The following SLIT3 variants were observed in gnomAD, a reference collection of about 807,000 sequenced individuals.
SLIT3 encodes slit homolog 3 protein.
In SLIT3, 68 loss-of-function variants were observed where a neutral mutation model predicts 184.0. The observed-to-expected ratio is 0.37, with a 90% CI of 0.30 to 0.45. The LOEUF is 0.45. Ranked by LOEUF, SLIT3 falls within the 20% of genes least tolerant of loss-of-function variation. The pLI is 1.00. For synonymous variants in SLIT3, 831 were observed against 828.6 expected (o/e 1.00, Z -0.05); for missense variants, 1,707 against 2,026.0 (o/e 0.84, Z 3.02).
chr5:169,000,256 G>A (rs11956974), intron 4 of SLIT3, among the ~76,000 whole-genome samples: 2,223 of 151,946 alleles, frequency 0.015, 77 homozygotes, highest in African/African-American at 0.051. Context: ...GCTGGGCATG[G>A]TGGTGTGTGC....
intron 3 of SLIT3, among the ~76,000 whole-genome samples, chr5:169,232,002 G>A (rs1174440758): frequency 2.0e-5 from 3 of 152,116 alleles, no homozygotes; most frequent in African/African-American, 7.2e-5. Context: ...TTTCTACTGA[G>A]TCATTTGTCT....
At chr5:169,053,412 T>C (rs549573506) in intron 4 of SLIT3, among the ~76,000 whole-genome samples, 1 of 152,234 alleles carries the variant, frequency 6.6e-6, no homozygotes, top group Non-Finnish European at 1.5e-5. Context: ...TTGCCTTTTT[T>C]TGTTTTGCCA....
chr5:168,728,300 A>ATATATC (rs1554135974), intron 20 of SLIT3, among the ~76,000 whole-genome samples: 1 of 140,306 alleles, frequency 7.1e-6, no homozygotes, highest in Admixed American at 7.1e-5. Context: ...ATATATATAT[A>ATATATC]TCCTCAGAGA....
At chr5:169,275,943 G>T (rs1412300437) in intron 1 of SLIT3, among the ~76,000 whole-genome samples, 2 of 152,052 alleles carry the variant, frequency 1.3e-5, no homozygotes, top group Non-Finnish European at 2.9e-5. Context: ...TTGTAAAACT[G>T]GTCCCTCTTG....
chr5:168,831,026 T>C (rs1238437804), intron 6 of SLIT3, among the ~76,000 whole-genome samples: 1 of 142,358 alleles, frequency 7.0e-6, no homozygotes, highest in Non-Finnish European at 1.6e-5. Context: ...CAGGGACAGC[T>C]CAGCACAGAC....
At chr5:168,713,690 C>A (rs1241507003) in intron 23 of SLIT3, among the ~76,000 whole-genome samples, 4 of 152,172 alleles carry the variant, frequency 2.6e-5, no homozygotes, top group Non-Finnish European at 4.4e-5. Flanking sequence ...AGTTAGCTTG[C>A]CCTTGGTCTT....
intron 1 of SLIT3, among the ~76,000 whole-genome samples, chr5:169,298,136 C>T (rs1039160977): frequency 6.6e-6 from 1 of 152,126 alleles, no homozygotes; most frequent in South Asian, 2.1e-4. Context: ...AGACTGTCCC[C>T]CATTCCCAGG....
intron 1 of SLIT3, among the ~76,000 whole-genome samples, chr5:169,285,567 A>G (rs1767127548): frequency 6.6e-6 from 1 of 152,162 alleles, no homozygotes; most frequent in African/African-American, 2.4e-5. Context: ...AGCAGAGCAG[A>G]AGGGGTACTA....
intron 1 of SLIT3, among the ~76,000 whole-genome samples, chr5:169,275,948 C>T (rs1766786354): frequency 6.6e-6 from 1 of 152,036 alleles, no homozygotes; most frequent in South Asian, 2.1e-4. Context: ...AAACTGGTCC[C>T]TCTTGCCAGT....
intron 8 of SLIT3, among the ~76,000 whole-genome samples, chr5:168,815,890 G>A (rs1220119416): frequency 1.3e-5 from 2 of 152,174 alleles, no homozygotes. Flanking sequence ...GAGAAATGCA[G>A]AGCTCACAGT....
At chr5:168,966,928 C>T (rs931684582) in intron 4 of SLIT3, among the ~76,000 whole-genome samples, 12 of 152,108 alleles carry the variant, frequency 7.9e-5, no homozygotes, top group African/African-American at 2.9e-4. Context: ...TCTTAACGTG[C>T]ACATAACTTT....
chr5:169,149,266 G>A (rs906805881), intron 4 of SLIT3, among the ~76,000 whole-genome samples: 7 of 151,854 alleles, frequency 4.6e-5, no homozygotes, highest in Admixed American at 4.6e-4. Context: ...TGATTGTTTG[G>A]CGGTAAAATT....
intron 4 of SLIT3, among the ~76,000 whole-genome samples, chr5:169,177,422 A>T (rs1290029825): frequency 6.6e-6 from 1 of 152,244 alleles, no homozygotes; most frequent in Admixed American, 6.5e-5. Context: ...GAAGTCCCTC[A>T]TGCTGAGCGG....
intron 16 of SLIT3, among the ~76,000 whole-genome samples, chr5:168,755,389 A>ATTTCTTTCTTTCTTTCTTTTCTTTCTTTC (rs1754861173): frequency 7.5e-6 from 1 of 133,640 alleles, no homozygotes. Context: ...CAGTGCCGCC[A>ATTTCTTTCTTTCTTTCTTTTCTTTCTTTC]TTTCTTTCTT....
At chr5:169,084,800 G>A (rs556872680) in intron 4 of SLIT3, among the ~76,000 whole-genome samples, 8 of 152,150 alleles carry the variant, frequency 5.3e-5, no homozygotes, top group Non-Finnish European at 7.4e-5. Context: ...TACCTGCTGA[G>A]GGGGCCCAGA....
chr5:169,006,942 C>T (rs1755957078), intron 4 of SLIT3, among the ~76,000 whole-genome samples: 1 of 152,128 alleles, frequency 6.6e-6, no homozygotes, highest in Admixed American at 6.5e-5. Context: ...CCACCCCACC[C>T]CCCAACTGCA....
At chr5:169,280,575 C>T (rs1201697533) in intron 1 of SLIT3, among the ~76,000 whole-genome samples, 1 of 152,160 alleles carries the variant, frequency 6.6e-6, no homozygotes, top group Non-Finnish European at 1.5e-5. Context: ...GGAAGCTACA[C>T]TCAGAGGACA....
intron 4 of SLIT3, among the ~76,000 whole-genome samples, chr5:169,138,475 C>G (rs573677661): frequency 1.2e-4 from 18 of 152,276 alleles, no homozygotes; most frequent in African/African-American, 3.6e-4. Context: ...CCCCTTCCCC[C>G]CTAGAGCACT....
intron 7 of SLIT3, among the ~76,000 whole-genome samples, chr5:168,817,947 C>A (rs1017586286): frequency 6.6e-6 from 1 of 151,978 alleles, no homozygotes; most frequent in Non-Finnish European, 1.5e-5. Context: ...TTCTTCGTTC[C>A]CCCGCTAAGT....
Sources: gnomAD v4.1 joint callset for allele counts (sites outside exome capture counted in the v4.1 genomes callset) on GRCh38, gnomAD v4.1.1 for gene constraint, MANE v1.5 for transcripts, NCBI Gene and HGNC (gene_info 2026-07-23, HGNC 2026-07-21) for gene names.